PCAT7: variants seen among roughly 807,000 people sequenced by gnomAD.
PCAT7 encodes the protein prostate cancer associated transcript 7 (non-protein coding).
rs183696567 is a variant in PCAT7 at position 94,559,720 on chromosome 9, G to A, written n.441+568G>A. ...AAATCCCATCGTTTGCACTCCCATAGCATCCTGTACTTCCCCTCTGGTACC... is the reference window on the plus strand; with the variant it reads ...AAATCCCATCGTTTGCACTCCCATAACATCCTGTACTTCCCCTCTGGTACC... On this transcript the variant is annotated intron_variant and non_coding_transcript_variant, in intron 2 of 8. Coordinates refer to ENST00000647389, the Ensembl canonical transcript of PCAT7. 3.8e-3 allele frequency among the ~76,000 whole-genome samples: 578 copies of A among 152,272 alleles called. 1 individual carries two copies. Among genetic ancestry groups the A allele is most frequent in the Non-Finnish European group, 4.0e-3 (271 of 68,028 alleles).
intron 1 of PCAT7, among the ~76,000 whole-genome samples, chr9:94,557,955 C>G (rs1225897413): frequency 6.6e-6 from 1 of 152,162 alleles, no homozygotes; most frequent in Admixed American, 6.5e-5. Flanking sequence ...CAGTTAGTCC[C>G]TAGAATAGAT....
intron 2 of PCAT7, among the ~76,000 whole-genome samples, chr9:94,565,893 A>G (rs540124): frequency 0.25 from 38,565 of 151,966 alleles, 6,227 homozygotes; most frequent in East Asian, 0.55. Context: ...AAGGTGTAGG[A>G]TACAATTTGC....
At chr9:94,556,408 C>T (rs932235876) in intron 1 of PCAT7, among the ~76,000 whole-genome samples, 3 of 150,420 alleles carry the variant, frequency 2.0e-5, no homozygotes, top group African/African-American at 7.4e-5. Flanking sequence ...AGGGAGAAAA[C>T]GGTGAAAAAG....
intron 1 of PCAT7, chr9:94,558,876 TC>T (rs1260980143): frequency 4.1e-6 from 6 of 1,474,098 alleles, no homozygotes; most frequent in Non-Finnish European, 4.7e-6. Flanking sequence ...TGTTTATCGT[TC>T]ATTTAGGGTC....
intron 2 of PCAT7, among the ~76,000 whole-genome samples, chr9:94,572,721 C>T (rs1564183810): frequency 6.6e-6 from 1 of 152,158 alleles, no homozygotes; most frequent in African/African-American, 2.4e-5. Context: ...ACAACACACA[C>T]ATGAGTTTAC....
intron 2 of PCAT7, among the ~76,000 whole-genome samples, chr9:94,562,186 C>T (rs1736091909): frequency 6.6e-6 from 1 of 151,856 alleles, no homozygotes; most frequent in Non-Finnish European, 1.5e-5. Flanking sequence ...TGGCGGGCGC[C>T]TGTAGTCCCA....
Position 94,555,252 on chromosome 9 carries a change from GCGCGGCTCGCCT to G in PCAT7, n.203_214del, listed in dbSNP as rs1826990835. The stretch of plus-strand genomic sequence containing the variant: ...TGGAGGCTTGAGCCGCGGCACCGTG[GCGCGGCTCGCCT>G]CGCTGCGGTTGGTGGTGGCGGTGGA... On this transcript the variant is annotated non_coding_transcript_exon_variant, in exon 1 of 9. Coordinates refer to ENST00000647389, the Ensembl canonical transcript of PCAT7. 3 of 152,176 alleles carry G rather than the reference GCGCGGCTCGCCT, an allele frequency of 2.0e-5. No individual in the cohort carries two copies. In the South Asian group the frequency reaches 6.2e-4, roughly 32 times the overall value. 9.4% of individuals were successfully genotyped at this position (152,176 alleles called of 1,614,324 possible).
chr9:94,563,840 C>G (rs973240105), intron 2 of PCAT7, among the ~76,000 whole-genome samples: 8 of 152,080 alleles, frequency 5.3e-5, no homozygotes, highest in African/African-American at 1.4e-4. Flanking sequence ...GGGCTGCAAT[C>G]CTAATTTCAG....
At chr9:94,563,325 G>A (rs1314891266) in intron 2 of PCAT7, 1 of 1,613,058 alleles carries the variant, frequency 6.2e-7, no homozygotes, top group Non-Finnish European at 8.5e-7. Flanking sequence ...CACAGCCAGT[G>A]GACAAGGGAG....
intron 2 of PCAT7, among the ~76,000 whole-genome samples, chr9:94,571,984 G>A (rs1009578957): frequency 6.6e-5 from 10 of 152,074 alleles, no homozygotes; most frequent in African/African-American, 2.2e-4. Flanking sequence ...CAGCCCTTTG[G>A]GGCAGATAGC....
At chr9:94,564,918 A>G (rs1189092884) in intron 2 of PCAT7, among the ~76,000 whole-genome samples, 1 of 152,230 alleles carries the variant, frequency 6.6e-6, no homozygotes, top group Non-Finnish European at 1.5e-5. Flanking sequence ...CATATTTTCA[A>G]AAAGCTAGAA....
intron 2 of PCAT7, among the ~76,000 whole-genome samples, chr9:94,560,568 G>A (rs569513307): frequency 1.7e-4 from 26 of 152,016 alleles, no homozygotes; most frequent in South Asian, 6.2e-4. Context: ...ATCACCTTAC[G>A]AAATGGTTGA....
intron 2 of PCAT7, among the ~76,000 whole-genome samples, chr9:94,566,622 G>A (rs989765509): frequency 2.0e-5 from 3 of 152,184 alleles, no homozygotes; most frequent in African/African-American, 7.2e-5. Context: ...CTATATTTCT[G>A]TGTGTGTGTC....
intron 2 of PCAT7, among the ~76,000 whole-genome samples, chr9:94,561,402 A>G (rs1485031201): frequency 8.9e-6 from 1 of 111,900 alleles, no homozygotes; most frequent in Non-Finnish European, 1.7e-5. Flanking sequence ...TCACTCTGTC[A>G]CCCAGGCTGG....
At chr9:94,572,084 C>T (rs1246662807) in intron 2 of PCAT7, among the ~76,000 whole-genome samples, 1 of 152,138 alleles carries the variant, frequency 6.6e-6, no homozygotes, top group Non-Finnish European at 1.5e-5. Flanking sequence ...CTGCACAACT[C>T]GCCCAGCAGC....
intron 2 of PCAT7, chr9:94,570,075 T>C (rs1587840659): frequency 6.6e-6 from 1 of 152,328 alleles, no homozygotes; most frequent in East Asian, 1.9e-4. Flanking sequence ...AAAGATGCTA[T>C]GGTTCATCTC....
chr9:94,572,476 C>G (rs1827279883), intron 2 of PCAT7, among the ~76,000 whole-genome samples: 1 of 152,184 alleles, frequency 6.6e-6, no homozygotes, highest in South Asian at 2.1e-4. Context: ...CCCGAATGTT[C>G]TTGCCTCCAT....
intron 2 of PCAT7, chr9:94,563,382 AT>A: frequency 6.2e-7 from 1 of 1,614,130 alleles, no homozygotes. Flanking sequence ...GTACAGGAAG[AT>A]TCCTCCATAG....
exon 3 of PCAT7, chr9:94,573,021 G>T (rs1827284737): frequency 6.6e-6 from 1 of 152,108 alleles, no homozygotes; most frequent in Non-Finnish European, 1.5e-5. Flanking sequence ...TCGTCTGCAA[G>T]AACAGTGTTA....
Sources: gnomAD v4.1 joint callset for allele counts (sites outside exome capture counted in the v4.1 genomes callset) on GRCh38, gnomAD v4.1.1 for gene constraint, MANE v1.5 for transcripts, NCBI Gene and HGNC (gene_info 2026-07-23, HGNC 2026-07-21) for gene names.